FIG4: variants seen among roughly 807,000 people sequenced by gnomAD.
The protein encoded by FIG4 is polyphosphoinositide phosphatase.
A neutral mutation model predicts 118.6 loss-of-function variants in FIG4; 112 were observed. That is an observed-to-expected ratio of 0.94 (90% CI 0.81 to 1.11). FIG4 has a LOEUF of 1.11. Ranked by LOEUF, FIG4 falls within the 50% of genes least tolerant of loss-of-function variation. FIG4 has a pLI of 0.00. For synonymous variants in FIG4, 369 were observed against 381.2 expected, an observed-to-expected ratio of 0.97 and a Z score of 0.37; for missense variants, 969 against 1,111.7, an observed-to-expected ratio of 0.87 and a Z score of 1.83.
chr6:109,796,193 A>G (rs1183569853), intron 21 of FIG4, among the ~76,000 whole-genome samples: 2 of 152,188 alleles, frequency 1.3e-5, no homozygotes, highest in East Asian at 1.9e-4. Context: ...GGTCTCCCCA[A>G]CCTTGGTTGA....
At chr6:109,703,998 A>G (rs1040934576) in intron 1 of FIG4, among the ~76,000 whole-genome samples, 1 of 152,052 alleles carries the variant, frequency 6.6e-6, no homozygotes, top group Non-Finnish European at 1.5e-5. Context: ...ACCCAGTCCC[A>G]TGGCTTTAAA....
chr6:109,733,406 A>C (rs1262954439), intron 5 of FIG4, among the ~76,000 whole-genome samples: 1 of 152,096 alleles, frequency 6.6e-6, no homozygotes, highest in Non-Finnish European at 1.5e-5. Context: ...GATAGATGGA[A>C]AATTCTATCA....
rs772699886 is a variant in FIG4, at chr6:109,703,264, A to G, written c.66+11763A>G. On this transcript the variant is annotated intron_variant, in intron 1 of 22. Coordinates refer to ENST00000230124, the MANE Select transcript of FIG4 (RefSeq NM_014845.6). Reference sequence around the variant, plus strand: ...CCAGCATTGTTGCTGAGAGCTTCTAATGTTACTCTGTTCTTGATCTTTAGT... The same window carrying G: ...CCAGCATTGTTGCTGAGAGCTTCTAGTGTTACTCTGTTCTTGATCTTTAGT... Among the ~76,000 whole-genome samples, 7 of 151,938 alleles carry G rather than the reference A, an allele frequency of 4.6e-5. No homozygotes were observed. The South Asian group carries it at 6.2e-4, about 14-fold the overall frequency.
intron 4 of FIG4, among the ~76,000 whole-genome samples, chr6:109,728,861 A>G (rs1213263177): frequency 6.6e-6 from 1 of 152,190 alleles, no homozygotes; most frequent in Non-Finnish European, 1.5e-5. Context: ...TCTCATCTTT[A>G]TGATACTTTA....
chr6:109,820,661 C>T (rs1778980485), intron 22 of FIG4, among the ~76,000 whole-genome samples: 1 of 152,064 alleles, frequency 6.6e-6, no homozygotes, highest in Non-Finnish European at 1.5e-5. Flanking sequence ...GAAAAATACA[C>T]TTTTAAAAAT....
chr6:109,693,898 GGTTTT>G (rs113802671), intron 1 of FIG4, among the ~76,000 whole-genome samples: 56,315 of 150,266 alleles, frequency 0.37, 11,104 homozygotes, highest in African/African-American at 0.48. Flanking sequence ...TAAGCAGAAA[GGTTTT>G]GTTTTGTTTT....
intron 10 of FIG4, among the ~76,000 whole-genome samples, chr6:109,747,029 G>A (rs562797347): frequency 6.6e-6 from 1 of 152,094 alleles, no homozygotes; most frequent in Non-Finnish European, 1.5e-5. Context: ...GACTGGGTTT[G>A]TTGGGGGAAG....
At chr6:109,748,353 C>T (rs1009237956) in intron 10 of FIG4, among the ~76,000 whole-genome samples, 4 of 152,024 alleles carry the variant, frequency 2.6e-5, no homozygotes, top group Admixed American at 6.6e-5. Context: ...ATACTGTGAT[C>T]GAAGTGGTCC....
Position 109,777,063 on chromosome 6 carries a change from AT to A in FIG4, c.1889+8del. 1.2e-6 allele frequency: 2 copies of A among 1,612,472 alleles called. No homozygotes were observed. The highest frequency in any genetic ancestry group is 1.7e-6 in the Non-Finnish European group (2 of 1,178,690). ...AGACTTTTGCCAACAAGAAGAAGGT[AT>A]TTTTCTTCCTAGTCTGTAATATAAA... On this transcript the variant is annotated splice_donor_region_variant and intron_variant, in intron 16 of 22. Coordinates refer to ENST00000230124, the MANE Select transcript of FIG4 (RefSeq NM_014845.6).
At chr6:109,810,546 G>A (rs1047830129) in intron 22 of FIG4, among the ~76,000 whole-genome samples, 9 of 152,174 alleles carry the variant, frequency 5.9e-5, no homozygotes, top group African/African-American at 1.7e-4. Flanking sequence ...TTTAAGTCAC[G>A]TGAAGGGTAC....
chr6:109,765,840 G>A (rs1217373270), intron 14 of FIG4, among the ~76,000 whole-genome samples: 2 of 152,140 alleles, frequency 1.3e-5, no homozygotes, highest in Admixed American at 1.3e-4. Context: ...GCTGATACTG[G>A]TCATCGGAAA....
intron 4 of FIG4, among the ~76,000 whole-genome samples, chr6:109,728,326 A>G (rs897357435): frequency 2.0e-5 from 3 of 152,102 alleles, no homozygotes; most frequent in South Asian, 4.1e-4. Context: ...TTTCCCTGCA[A>G]TTTTTCCTGT....
intron 3 of FIG4, among the ~76,000 whole-genome samples, chr6:109,724,860 G>A (rs1195718668): frequency 6.9e-6 from 1 of 145,292 alleles, no homozygotes; most frequent in African/African-American, 2.5e-5. Flanking sequence ...TTTAATTTTG[G>A]TAAAAAACAG....
chr6:109,772,858 C>T (rs1389200548), intron 15 of FIG4, among the ~76,000 whole-genome samples: 2 of 152,236 alleles, frequency 1.3e-5, no homozygotes, highest in Non-Finnish European at 2.9e-5. Flanking sequence ...TCTATGGACA[C>T]AGCATTACTG....
intron 22 of FIG4, among the ~76,000 whole-genome samples, chr6:109,810,960 G>A (rs767334780): frequency 1.3e-5 from 2 of 152,164 alleles, no homozygotes; most frequent in Admixed American, 6.5e-5. Context: ...CCACATTCTC[G>A]GAATATCCAA....
At chr6:109,769,760 A>G (rs947304598) in intron 15 of FIG4, among the ~76,000 whole-genome samples, 6 of 152,134 alleles carry the variant, frequency 3.9e-5, no homozygotes, top group African/African-American at 1.4e-4. Context: ...CTCTACAACA[A>G]ATACAAAAAT....
chr6:109,728,194 G>T (rs758422669), intron 4 of FIG4, among the ~76,000 whole-genome samples: 9 of 152,074 alleles, frequency 5.9e-5, no homozygotes, highest in Non-Finnish European at 8.8e-5. Flanking sequence ...ACAGTCAAGT[G>T]GTTTAGAAAA....
At chr6:109,810,159 C>T (rs1164020909) in intron 22 of FIG4, among the ~76,000 whole-genome samples, 1 of 152,100 alleles carries the variant, frequency 6.6e-6, no homozygotes, top group African/African-American at 2.4e-5. Context: ...TACTGCCAGG[C>T]TATGTATGGG....
intron 10 of FIG4, among the ~76,000 whole-genome samples, chr6:109,747,378 TC>T (rs1776535187): frequency 6.6e-6 from 1 of 151,876 alleles, no homozygotes; most frequent in African/African-American, 2.4e-5. Context: ...GAAAAAAACA[TC>T]CAGAGGAGTA....
Sources: gnomAD v4.1 joint callset for allele counts (sites outside exome capture counted in the v4.1 genomes callset) on GRCh38, gnomAD v4.1.1 for gene constraint, MANE v1.5 for transcripts, NCBI Gene and HGNC (gene_info 2026-07-23, HGNC 2026-07-21) for gene names.